The following ZNF750 variants were observed in gnomAD, a reference collection of about 807,000 sequenced individuals.
The protein encoded by ZNF750 is zinc finger protein 750, also known as protein ZNF750.
In ZNF750, 10 loss-of-function variants were observed where a neutral mutation model predicts 31.6. That is an observed-to-expected ratio of 0.32 (90% CI 0.19 to 0.54). ZNF750 has a LOEUF of 0.54. ZNF750 is among the 20% of genes least tolerant of loss of function. The pLI is 0.95. For synonymous variants in ZNF750, 400 were observed against 404.9 expected, an observed-to-expected ratio of 0.99 and a Z score of 0.15; for missense variants, 914 against 934.9, an observed-to-expected ratio of 0.98 and a Z score of 0.29.
In ZNF750 at chr17:82,831,180, C is replaced by G; in HGVS notation, c.1275G>C (p.Gln425His). The G allele has an allele frequency of 6.2e-7, 1 of 1,614,156 alleles. No individual in the cohort carries two copies. The highest frequency in any genetic ancestry group is 8.5e-7 in the Non-Finnish European group (1 of 1,180,036). Residue 425 changes from glutamine (Q) to histidine (H), a missense_variant, in exon 2 of 3, where the codon CAG (glutamine) becomes CAC (histidine). Physicochemically the swap from Gln to His is conservative, Grantham distance 24. This residue lies in a region of ZNF750 where 880 missense variants were observed against 868.9 expected (regional missense o/e 1.01). Transcript: ENST00000269394. This position sits in a 1 kb window ranked among gnomAD's most constrained non-coding sequence, Gnocchi z 4.6. Reference sequence around the variant, plus strand: ...AGAGGTCGTACAGGCCTTCGCAGGTCTGGCTCGTCTGCATGAAGTCGGTGG... The same window carrying G: ...AGAGGTCGTACAGGCCTTCGCAGGTGTGGCTCGTCTGCATGAAGTCGGTGG... Reference protein sequence around the residue: ...PSPTDFMQTSQTCEGLYDLSN... With the variant: ...PSPTDFMQTSHTCEGLYDLSN...
At position 82,838,908 on chromosome 17, in the gene ZNF750, T is replaced by C. The variant is rs964776413; in HGVS notation, c.-183+1019A>G. 12 of 985,294 alleles carry C rather than the reference T, an allele frequency of 1.2e-5. No individual in the cohort carries two copies. In the South Asian group the frequency reaches 1.4e-4, roughly 12 times the overall value. 61.0% of individuals were successfully genotyped at this position (985,294 alleles called of 1,614,324 possible). Reference sequence around the variant, plus strand: ...TCCGGTCAGAAATGCTGGAAGGCCTTTGCTAATGCGCAGTGAAAATTAGGG... The same window carrying C: ...TCCGGTCAGAAATGCTGGAAGGCCTCTGCTAATGCGCAGTGAAAATTAGGG... On this transcript the variant is annotated intron_variant, in intron 1 of 2. Coordinates refer to ENST00000269394, the MANE Select transcript of ZNF750 (RefSeq NM_024702.3).
rs550447556 is a variant in ZNF750, at chr17:82,831,198, G to A, written c.1257C>T (p.Asp419=). 2.5e-6 allele frequency: 4 copies of A among 1,614,164 alleles called. 1 individual carries two copies. In the Admixed American group the frequency reaches 6.7e-5, roughly 27 times the overall value. The change falls in exon 2 of 3, where the codon GAC becomes GAT. Residue 419 remains aspartate, a synonymous_variant. Coordinates refer to ENST00000269394, the MANE Select transcript of ZNF750 (RefSeq NM_024702.3). The surrounding 1 kb of genome is among the most constrained non-coding windows in gnomAD (Gnocchi z 4.6). ...TGSPGRPSPT[D]FMQTSQTCEG... ...CGCAGGTCTGGCTCGTCTGCATGAA[G>A]TCGGTGGGGCTCGGCCTCCCTGGGG... is the stretch of plus-strand genomic sequence containing the variant.
In ZNF750 at chr17:82,830,624, G is replaced by C. The variant is rs1175571695; in HGVS notation, c.1690C>G (p.Pro564Ala). Residue 564 changes from proline to alanine, a missense_variant, in exon 3 of 3, where the codon CCG becomes GCG. Transcript: ENST00000269394. ...GGTCGACCGGGGAAGGCAGGCCTCG[G>C]AGCCTGGGTGTTACAGGGGTCCTTC... ...SVKDPCNTQA[P>A]RPAFPGRPRA... 1 of 1,614,080 alleles carries C rather than the reference G, an allele frequency of 6.2e-7. No homozygotes were observed. Among genetic ancestry groups the C allele is most frequent in the Admixed American group, 1.7e-5 (1 of 60,026 alleles).
At chr17:82,837,247 G>A (rs1221204589) in intron 1 of ZNF750, among the ~76,000 whole-genome samples, 1 of 152,188 alleles carries the variant, frequency 6.6e-6, no homozygotes, top group Non-Finnish European at 1.5e-5. Flanking sequence ...AACCAAACCC[G>A]ACGGCCAGTA....
chr17:82,831,685 G>A lies in ZNF750; in HGVS notation c.770C>T (p.Ser257Leu), dbSNP rs1455081093. The change falls in exon 2 of 3, where the codon TCG becomes TTG. Residue 257 changes from serine to leucine, a missense_variant. Ser to Leu is a moderately radical substitution (Grantham distance 145). This residue lies in a region of ZNF750 where 880 missense variants were observed against 868.9 expected (regional missense o/e 1.01). Coordinates refer to ENST00000269394, the MANE Select transcript of ZNF750 (RefSeq NM_024702.3). This position sits in a 1 kb window ranked among gnomAD's most constrained non-coding sequence, Gnocchi z 4.6. ...YTEHGLATIY[S>L]PYLLAGSSPE... Reference sequence around the variant, plus strand: ...CGAGCTCCCAGCCAGCAGGTAAGGCGAGTAGATGGTGGCCAGCCCGTGCTC... The same window carrying A: ...CGAGCTCCCAGCCAGCAGGTAAGGCAAGTAGATGGTGGCCAGCCCGTGCTC... 7.4e-6 allele frequency: 12 copies of A among 1,614,054 alleles called. No homozygotes were observed. The highest frequency in any genetic ancestry group is 2.2e-5 in the South Asian group (2 of 91,088).
chr17:82,830,785 C>G lies in ZNF750; in HGVS notation c.1529G>C (p.Gly510Ala). ...AAPSSPDDSS[G>A]MGPLNLSKKS... Reference sequence around the variant, plus strand: ...CTTGGAGAGGTTGAGGGGGCCCATCCCGGAGCTGTCGTCCGGACTGGAAGG... The same window carrying G: ...CTTGGAGAGGTTGAGGGGGCCCATCGCGGAGCTGTCGTCCGGACTGGAAGG... Residue 510 changes from glycine (G) to alanine (A), a missense_variant, in exon 3 of 3, where the codon GGG becomes GCG. This residue lies in a region of ZNF750 where 880 missense variants were observed against 868.9 expected (regional missense o/e 1.01). Transcript: ENST00000269394. The G allele has an allele frequency of 6.2e-7, 1 of 1,613,626 alleles. No homozygotes were observed. The highest frequency in any genetic ancestry group is 8.5e-7 in the Non-Finnish European group (1 of 1,180,042).
rs1310254172 is a variant in ZNF750, at chr17:82,829,869, C to T, written c.*273G>A. The T allele has an allele frequency of 5.9e-6, 3 of 511,792 alleles. No homozygotes were observed. The highest frequency in any genetic ancestry group is 3.4e-5 in the Admixed American group (1 of 29,168). The allele number at this position is 511,792 out of a possible 1,614,324, so 31.7% of individuals were successfully genotyped here. A position where few individuals can be genotyped will look rare whatever the true frequency, so the allele number is the denominator to read the frequency against. ...TAAGGAAACATTTATAAAAGATCTT[C>T]TGTAAGACAGCTTAGACTTGAAAAT... is the stretch of plus-strand genomic sequence containing the variant. On this transcript the variant is annotated 3_prime_UTR_variant, in exon 3 of 3. Coordinates refer to ENST00000269394, the MANE Select transcript of ZNF750 (RefSeq NM_024702.3).
chr17:82,830,080 C>T lies in ZNF750; in HGVS notation c.*62G>A. 6.2e-7 allele frequency: 1 copy of T among 1,608,148 alleles called. No homozygotes were observed. The highest frequency in any genetic ancestry group is 1.1e-5 in the South Asian group (1 of 90,932). On this transcript the variant is annotated 3_prime_UTR_variant, in exon 3 of 3. Coordinates refer to ENST00000269394, the MANE Select transcript of ZNF750 (RefSeq NM_024702.3). ...AAGTGCCAGTTCAGAGGTGTTGTAGCTTGCCACCTTGGAAGGCGTGTGTGT... is the reference window on the plus strand; with the variant it reads ...AAGTGCCAGTTCAGAGGTGTTGTAGTTTGCCACCTTGGAAGGCGTGTGTGT...
chr17:82,831,954 C>G lies in ZNF750; in HGVS notation c.501G>C (p.Glu167Asp). The G allele has an allele frequency of 6.2e-7, 1 of 1,613,990 alleles. No individual in the cohort carries two copies. Among genetic ancestry groups the G allele is most frequent in the Non-Finnish European group, 8.5e-7 (1 of 1,179,908 alleles). The part of the protein sequence containing the change: ...ARPSAFVPVG[E>D]HRLKGPDNAE... ...CGTTGTCTGGCCCCTTGAGTCTGTG[C>G]TCGCCGACTGGAACAAATGCAGAAG... The change falls in exon 2 of 3, where the codon GAG becomes GAC. Residue 167 changes from glutamate to aspartate, a missense_variant. Physicochemically the swap from Glu to Asp is conservative, Grantham distance 45. Coordinates refer to ENST00000269394, the MANE Select transcript of ZNF750 (RefSeq NM_024702.3). This position sits in a 1 kb window ranked among gnomAD's most constrained non-coding sequence, Gnocchi z 4.6.
In ZNF750 at chr17:82,832,174, C is replaced by T. The variant is rs2145276773; in HGVS notation, c.281G>A (p.Gly94Glu). 2.5e-6 allele frequency: 4 copies of T among 1,614,214 alleles called. No individual in the cohort carries two copies. The highest frequency in any genetic ancestry group is 2.5e-6 in the Non-Finnish European group (3 of 1,180,040). The change falls in exon 2 of 3, where the codon GGA becomes GAA. Residue 94 changes from glycine (G) to glutamate (E), a missense_variant. By Grantham distance (98) the Gly-to-Glu change is moderately conservative. Transcript: ENST00000269394. The surrounding 1 kb of genome is among the most constrained non-coding windows in gnomAD (Gnocchi z 4.9). Reference protein sequence around the residue: ...KPASSKSVANGLSAFDSKLQH... With the variant: ...KPASSKSVANELSAFDSKLQH... ...AAGCTTCGAGTCGAAGGCAGAGAGTCCATTTGCGACAGACTTGGAAGAGGC... is the reference window on the plus strand; with the variant it reads ...AAGCTTCGAGTCGAAGGCAGAGAGTTCATTTGCGACAGACTTGGAAGAGGC...
rs1490343409 is a variant in ZNF750, at chr17:82,830,758, T to G, written c.1556A>C (p.Lys519Thr). ...SGMGPLNLSK[K>T]SEINLAATHE... ...GGTGGCTGCCAGGTTTATCTCTGAT[T>G]TCTTGGAGAGGTTGAGGGGGCCCAT... Residue 519 changes from lysine to threonine, a missense_variant, in exon 3 of 3, where the codon AAA becomes ACA. Physicochemically the swap from Lys to Thr is moderately conservative, Grantham distance 78. This residue lies in a region of ZNF750 where 880 missense variants were observed against 868.9 expected (regional missense o/e 1.01). Transcript: ENST00000269394. The G allele has an allele frequency of 6.2e-7, 1 of 1,613,800 alleles. No homozygotes were observed. Among genetic ancestry groups the G allele is most frequent in the Non-Finnish European group, 8.5e-7 (1 of 1,180,000 alleles).
At chr17:82,838,131 C>T (rs976165143) in intron 1 of ZNF750, among the ~76,000 whole-genome samples, 6 of 152,240 alleles carry the variant, frequency 3.9e-5, no homozygotes, top group African/African-American at 1.4e-4. Flanking sequence ...CGTAGCTGCC[C>T]ACACAGACAG....
At position 82,832,349 on chromosome 17, in the gene ZNF750, C is replaced by G. The variant is rs749083733; in HGVS notation, c.106G>C (p.Glu36Gln). 1 of 1,614,204 alleles carries G rather than the reference C, an allele frequency of 6.2e-7. No homozygotes were observed. The highest frequency in any genetic ancestry group is 2.2e-5 in the East Asian group (1 of 44,882). ...ATGTGATTAAAAAGATGTGACTTCTCATTGCAAGTAAAGGGACATTGGAAA... is the reference window on the plus strand; with the variant it reads ...ATGTGATTAAAAAGATGTGACTTCTGATTGCAAGTAAAGGGACATTGGAAA... ...KCFQCPFTCN[E>Q]KSHLFNHMKY... The change falls in exon 2 of 3, where the codon GAG becomes CAG. Residue 36 changes from glutamate to glutamine, a missense_variant. Glu to Gln is a conservative substitution (Grantham distance 29). This residue lies in a region of ZNF750 where 34 missense variants were observed against 66.0 expected (regional missense o/e 0.52). Transcript: ENST00000269394. This position sits in a 1 kb window ranked among gnomAD's most constrained non-coding sequence, Gnocchi z 4.9.
At chr17:82,837,540 GCTGT>G (rs962318310) in intron 1 of ZNF750, among the ~76,000 whole-genome samples, 5 of 152,198 alleles carry the variant, frequency 3.3e-5, no homozygotes, top group East Asian at 1.9e-4. Flanking sequence ...TGCCCGGAGA[GCTGT>G]CTGTCTGTCT....
Position 82,830,207 on chromosome 17 carries a change from T to A in ZNF750, c.2107A>T (p.Lys703Ter). 6.2e-7 allele frequency: 1 copy of A among 1,614,276 alleles called. No individual in the cohort carries two copies. The highest frequency in any genetic ancestry group is 8.5e-7 in the Non-Finnish European group (1 of 1,180,050). The change falls in exon 3 of 3, where the codon AAG (lysine) becomes TAG (stop). Residue 703 changes from lysine (K) to a stop codon, truncating the protein, a stop_gained. Transcript: ENST00000269394. LOFTEE classifies it high-confidence loss of function. ...RDAGKSQQGA[K>*]KAKLQDTARV... is the part of the protein sequence containing the mutation. The stretch of plus-strand genomic sequence containing the variant: ...GCCGTGTCCTGCAGCTTCGCCTTCT[T>A]AGCTCCTTGCTGGGATTTTCCAGCA...
In ZNF750 at chr17:82,838,650, C is replaced by T. The variant is rs558157931; in HGVS notation, c.-183+1277G>A. On this transcript the variant is annotated intron_variant, in intron 1 of 2. Transcript: ENST00000269394. The stretch of plus-strand genomic sequence containing the variant: ...GAGTTTTACTCCAATTGAGCTTTTC[C>T]AGTGATTGACTGCCACTCCCTCCCA... 7.1e-6 allele frequency: 7 copies of T among 985,404 alleles called. No homozygotes were observed. In the South Asian group the frequency reaches 2.8e-4, roughly 40 times the overall value. 61.0% of individuals were successfully genotyped at this position (985,404 alleles called of 1,614,324 possible).
Position 82,831,518 on chromosome 17 carries a change from A to G in ZNF750, c.937T>C (p.Ser313Pro). 1 of 1,614,090 alleles carries G rather than the reference A, an allele frequency of 6.2e-7. No individual in the cohort carries two copies. The highest frequency in any genetic ancestry group is 8.5e-7 in the Non-Finnish European group (1 of 1,180,018). ...DHYRFFQQYP[S>P]NLPIPYGFYR... ...AATCCGTAAGGAATCGGCAGGTTAG[A>G]GGGATATTGCTGGAAAAACCTGTAG... Residue 313 changes from serine (S) to proline (P), a missense_variant, in exon 2 of 3, where the codon TCT becomes CCT. Physicochemically the swap from Ser to Pro is moderately conservative, Grantham distance 74. Around this residue, in one of 2 missense-constraint regions of ZNF750, gnomAD observed 880 missense variants for 868.9 expected, o/e 1.01. Transcript: ENST00000269394. The surrounding 1 kb of genome is among the most constrained non-coding windows in gnomAD (Gnocchi z 4.6).
In ZNF750 at chr17:82,830,037, G is replaced by A. The variant is rs2145225971; in HGVS notation, c.*105C>T. 1 of 1,540,500 alleles carries A rather than the reference G, an allele frequency of 6.5e-7. No individual in the cohort carries two copies. Among genetic ancestry groups the A allele is most frequent in the Non-Finnish European group, 8.9e-7 (1 of 1,129,830 alleles). ...TTTGTTTTTTTGAGAAGCAGCAGCT[G>A]CATTTGTAAAAATGTGAAAGTGCCA... On this transcript the variant is annotated 3_prime_UTR_variant, in exon 3 of 3. Coordinates refer to ENST00000269394, the MANE Select transcript of ZNF750 (RefSeq NM_024702.3).
chr17:82,834,145 G>C (rs567568291), intron 1 of ZNF750, among the ~76,000 whole-genome samples: 2 of 152,072 alleles, frequency 1.3e-5, no homozygotes, highest in Non-Finnish European at 2.9e-5. Flanking sequence ...ACGGGGTTTT[G>C]CCATGTGGGC....
Sources: allele counts gnomAD v4.1 joint callset (sites outside exome capture counted in the v4.1 genomes callset), GRCh38; gene constraint gnomAD v4.1.1; regional missense constraint gnomAD v4.1.1; non-coding constraint Gnocchi (gnomAD v3.1); transcripts MANE v1.5; gene names NCBI Gene and HGNC (gene_info 2026-07-23, HGNC 2026-07-21).